The following SSBP2 variants were observed in gnomAD, a reference collection of about 807,000 sequenced individuals.
The protein encoded by SSBP2 is single stranded DNA binding protein 2, also known as single-stranded DNA-binding protein 2.
In SSBP2, 17 loss-of-function variants were observed where a neutral mutation model predicts 61.8. The ratio of observed to expected loss-of-function variants is 0.28; its 90% CI spans 0.19 to 0.41. The LOEUF is 0.41. Among genes scored for constraint, SSBP2 ranks in the 10% least tolerant of loss-of-function variants. The pLI is 1.00. For missense variants in SSBP2, 310 were observed against 458.7 expected, an observed-to-expected ratio of 0.68 and a Z score of 2.96; for synonymous variants, 139 against 141.3, an observed-to-expected ratio of 0.98 and a Z score of 0.12.
intron 10 of SSBP2, among the ~76,000 whole-genome samples, chr5:81,451,254 G>A (rs990660210): frequency 4.0e-5 from 6 of 151,430 alleles, no homozygotes; most frequent in African/African-American, 1.5e-4. Context: ...TGAAGCTATC[G>A]TGCTCTTACT....
intron 1 of SSBP2, among the ~76,000 whole-genome samples, chr5:81,716,601 CT>C (rs1247182128): frequency 1.1e-4 from 17 of 152,182 alleles, no homozygotes. Context: ...ATTACATAAA[CT>C]TTTTTTCAGT....
intron 1 of SSBP2, among the ~76,000 whole-genome samples, chr5:81,658,372 A>G (rs550218209): frequency 6.6e-6 from 1 of 152,184 alleles, no homozygotes; most frequent in African/African-American, 2.4e-5. Context: ...CCCAGTATCC[A>G]CGGGGATTGA....
chr5:81,544,857 G>A (rs900554281), intron 4 of SSBP2, among the ~76,000 whole-genome samples: 2 of 152,128 alleles, frequency 1.3e-5, no homozygotes, highest in Non-Finnish European at 2.9e-5. Flanking sequence ...GTACAAAGTG[G>A]GTGGAAGTGA....
chr5:81,531,039 T>C (rs895479921), intron 4 of SSBP2, among the ~76,000 whole-genome samples: 1 of 151,708 alleles, frequency 6.6e-6, no homozygotes, highest in South Asian at 2.1e-4. Context: ...TAAGACCCTA[T>C]TTCTACAAAA....
At chr5:81,682,759 G>A (rs1752491138) in intron 1 of SSBP2, among the ~76,000 whole-genome samples, 1 of 151,938 alleles carries the variant, frequency 6.6e-6, no homozygotes, top group African/African-American at 2.4e-5. Context: ...CATCTATGTA[G>A]AAATACAAAA....
intron 1 of SSBP2, among the ~76,000 whole-genome samples, chr5:81,666,191 C>G (rs760266655): frequency 7.2e-5 from 11 of 151,964 alleles, no homozygotes; most frequent in Non-Finnish European, 1.6e-4. Context: ...ACATGAATAC[C>G]CAGCCTTTGT....
intron 2 of SSBP2, 58 bp from the exon 3 acceptor site, chr5:81,636,676 C>T: frequency 7.8e-7 from 1 of 1,274,750 alleles, no homozygotes; most frequent in East Asian, 2.4e-5. Context: ...ACACATATTA[C>T]AAAGTAATAA....
At chr5:81,560,879 T>C (rs113631759) in intron 4 of SSBP2, among the ~76,000 whole-genome samples, 6 of 152,268 alleles carry the variant, frequency 3.9e-5, no homozygotes, top group African/African-American at 1.2e-4. Flanking sequence ...AGACCTACTG[T>C]CTTAACAAAT....
At chr5:81,484,270 G>C (rs2154039774) in intron 6 of SSBP2, among the ~76,000 whole-genome samples, 1 of 152,118 alleles carries the variant, frequency 6.6e-6, no homozygotes, top group East Asian at 1.9e-4. Flanking sequence ...GTATGTTTTG[G>C]CAAAAGAAGT....
At chr5:81,486,018 A>G (rs111254721) in intron 6 of SSBP2, among the ~76,000 whole-genome samples, 2,741 of 152,284 alleles carry the variant, frequency 0.018, 45 homozygotes, top group South Asian at 0.098. Context: ...GTAAATTATT[A>G]TAAGTTTGGA....
At chr5:81,709,519 T>G (rs1754628689) in intron 1 of SSBP2, among the ~76,000 whole-genome samples, 1 of 151,824 alleles carries the variant, frequency 6.6e-6, no homozygotes, top group African/African-American at 2.4e-5. Context: ...TCAACAAATC[T>G]TAATCTAGCT....
chr5:81,487,932 T>G (rs922468685), intron 6 of SSBP2, among the ~76,000 whole-genome samples: 5 of 147,164 alleles, frequency 3.4e-5, no homozygotes, highest in African/African-American at 7.4e-5. Context: ...TGTGTCTGAC[T>G]TATTTCACTG....
chr5:81,564,298 G>C (rs1773269699), intron 4 of SSBP2, among the ~76,000 whole-genome samples: 1 of 152,166 alleles, frequency 6.6e-6, no homozygotes, highest in South Asian at 2.1e-4. Flanking sequence ...GAGAAAGGGA[G>C]GGAAGGAAGG....
At position 81,643,595 on chromosome 5, in the gene SSBP2, CTTTTTTTTTTTT is replaced by C. The variant is rs368511957; in HGVS notation, c.135+6660_135+6671del. ...AAATTGAAGTAAACATTTTTCCTTT[CTTTTTTTTTTTT>C]TTTTTTTTTTTTTGAGATGGAGTCT... On this transcript the variant is annotated intron_variant, in intron 2 of 16. Transcript: ENST00000320672. Among the ~76,000 whole-genome samples, 206 of 60,266 alleles carry C rather than the reference CTTTTTTTTTTTT, an allele frequency of 3.4e-3. No homozygotes were observed. The South Asian group carries it at 0.051, about 15-fold the overall frequency. 39.5% of individuals were successfully genotyped at this position (60,266 alleles called of 152,430 possible).
intron 4 of SSBP2, among the ~76,000 whole-genome samples, chr5:81,588,015 A>C (rs1418567598): frequency 1.3e-5 from 2 of 152,136 alleles, no homozygotes; most frequent in Non-Finnish European, 2.9e-5. Flanking sequence ...CCCAGGCTGG[A>C]GTGCAGTGGC....
intron 1 of SSBP2, among the ~76,000 whole-genome samples, chr5:81,714,104 G>C (rs1189557787): frequency 6.6e-6 from 1 of 152,030 alleles, no homozygotes; most frequent in Non-Finnish European, 1.5e-5. Context: ...TTCCCTCCCT[G>C]CGCCCATATG....
At chr5:81,547,931 G>A (rs1456983869) in intron 4 of SSBP2, among the ~76,000 whole-genome samples, 2 of 152,130 alleles carry the variant, frequency 1.3e-5, no homozygotes, top group Non-Finnish European at 2.9e-5. Flanking sequence ...TGAAAAGATA[G>A]GACACAAGGA....
chr5:81,505,946 C>A (rs1026428454), intron 5 of SSBP2, among the ~76,000 whole-genome samples: 7 of 152,158 alleles, frequency 4.6e-5, no homozygotes, highest in Admixed American at 3.9e-4. Context: ...ACTCTGAATA[C>A]CTGACACTCC....
At chr5:81,422,162 G>A (rs1761654329) in intron 16 of SSBP2, among the ~76,000 whole-genome samples, 1 of 152,148 alleles carries the variant, frequency 6.6e-6, no homozygotes, top group South Asian at 2.1e-4. Flanking sequence ...CCAGGTTCCA[G>A]GAACCTAACC....
Sources: gnomAD v4.1 joint callset for allele counts (sites outside exome capture counted in the v4.1 genomes callset) on GRCh38, gnomAD v4.1.1 for gene constraint, MANE v1.5 for transcripts, NCBI Gene and HGNC (gene_info 2026-07-23, HGNC 2026-07-21) for gene names.